The following AGBL1 variants were observed in gnomAD, a reference collection of about 807,000 sequenced individuals.
The protein encoded by AGBL1 is AGBL carboxypeptidase 1.
Under a neutral mutation model 118.9 loss-of-function variants are expected in AGBL1, and 130 were observed. The ratio of observed to expected loss-of-function variants is 1.09; its 90% CI spans 0.95 to 1.26. The LOEUF (loss-of-function observed/expected upper bound fraction) is 1.26. AGBL1 is among the 50% of genes most tolerant of loss of function. The pLI is 0.00. For synonymous variants in AGBL1, 555 were observed against 478.9 expected (o/e 1.16, Z -2.08); for missense variants, 1,584 against 1,298.1 (o/e 1.22, Z -3.38).
chr15:86,930,568 A>G (rs1159603003), intron 23 of AGBL1, among the ~76,000 whole-genome samples: 2 of 152,202 alleles, frequency 1.3e-5, no homozygotes, highest in Admixed American at 1.3e-4. Context: ...CTGGTTGTAG[A>G]TAGCTCCCTT....
intron 24 of AGBL1, among the ~76,000 whole-genome samples, chr15:86,991,234 C>T (rs1354575090): frequency 6.6e-6 from 1 of 151,828 alleles, no homozygotes; most frequent in African/African-American, 2.4e-5. Context: ...ATTTTTTGTT[C>T]ATTTGTTTGT....
chr15:86,225,473 A>T (rs944246983), intron 6 of AGBL1, among the ~76,000 whole-genome samples: 1 of 152,214 alleles, frequency 6.6e-6, no homozygotes, highest in African/African-American at 2.4e-5. Flanking sequence ...GATGATGCTG[A>T]TAACAAATTT....
At position 86,250,710 on chromosome 15, in the gene AGBL1, C is replaced by T. The variant is rs576372471; in HGVS notation, c.735+2831C>T. ...CTTAGAAACCAAATGGCTTGTTACTCTTCCCCCCGGCAGTCATAACCAGTG... is the reference window on the plus strand; with the variant it reads ...CTTAGAAACCAAATGGCTTGTTACTTTTCCCCCCGGCAGTCATAACCAGTG... On this transcript the variant is annotated intron_variant, in intron 7 of 22. Coordinates refer to ENST00000614907, the MANE Select transcript of AGBL1 (RefSeq NM_001386094.1). Among the ~76,000 whole-genome samples, 135 of 152,234 alleles carry T rather than the reference C, an allele frequency of 8.9e-4. 1 individual carries two copies. The highest frequency in any genetic ancestry group is 3.2e-3 in the African/African-American group (131 of 41,550).
chr15:86,968,989 CAT>C (rs1248670684), intron 23 of AGBL1, among the ~76,000 whole-genome samples: 1 of 151,858 alleles, frequency 6.6e-6, no homozygotes, highest in Non-Finnish European at 1.5e-5. Flanking sequence ...CTTTTAATAC[CAT>C]CACTTTAGGG....
At chr15:86,736,610 A>C (rs2077603480) in intron 22 of AGBL1, among the ~76,000 whole-genome samples, 1 of 152,186 alleles carries the variant, frequency 6.6e-6, no homozygotes, top group Non-Finnish European at 1.5e-5. Flanking sequence ...TGTCACAGCA[A>C]ATACCCTTTT....
intron 23 of AGBL1, among the ~76,000 whole-genome samples, chr15:86,945,213 A>G (rs2080803679): frequency 7.0e-6 from 1 of 142,160 alleles, no homozygotes; most frequent in Non-Finnish European, 1.5e-5. Context: ...CACGACACCC[A>G]AGTCTGGGCA....
chr15:86,972,859 G>GT (rs139312661), intron 23 of AGBL1, among the ~76,000 whole-genome samples: 3,239 of 151,748 alleles, frequency 0.021, 116 homozygotes, highest in African/African-American at 0.074. Context: ...ATTTTTCTGA[G>GT]TTTTTTTTCT....
intron 17 of AGBL1, among the ~76,000 whole-genome samples, chr15:86,350,500 A>G (rs1317110839): frequency 6.6e-6 from 1 of 152,202 alleles, no homozygotes; most frequent in African/African-American, 2.4e-5. Context: ...TGTGTAAGAC[A>G]ATGTTTCTGA....
intron 22 of AGBL1, among the ~76,000 whole-genome samples, chr15:86,750,657 A>G (rs1397623616): frequency 2.0e-5 from 3 of 151,944 alleles, no homozygotes; most frequent in Non-Finnish European, 4.4e-5. Flanking sequence ...AATTTTTTTA[A>G]ACTTCAGGGG....
At position 86,556,419 on chromosome 15, in the gene AGBL1, A is replaced by G. The variant is rs1438857407; in HGVS notation, c.2994+1882A>G. 1.0e-5 allele frequency: 7 copies of G among 689,398 alleles called. No individual in the cohort carries two copies. In the East Asian group the frequency reaches 1.6e-4, roughly 16 times the overall value. The allele number at this position is 689,398 out of a possible 1,614,324, so 42.7% of individuals were successfully genotyped here. A position where few individuals can be genotyped will look rare whatever the true frequency, so the allele number is the denominator to read the frequency against. On this transcript the variant is annotated intron_variant, in intron 21 of 22. Coordinates refer to ENST00000614907, the MANE Select transcript of AGBL1 (RefSeq NM_001386094.1). ...GACCTGGTTTTGGTTTAAGAATCCCATTCTCTATATGAAAAACACTTCTCC... is the reference window on the plus strand; with the variant it reads ...GACCTGGTTTTGGTTTAAGAATCCCGTTCTCTATATGAAAAACACTTCTCC...
At chr15:86,813,034 A>G (rs752618223) in intron 22 of AGBL1, among the ~76,000 whole-genome samples, 3 of 152,070 alleles carry the variant, frequency 2.0e-5, no homozygotes, top group Non-Finnish European at 4.4e-5. Context: ...AGAGGAAGAA[A>G]GTGGGTCAAG....
At chr15:86,267,406 C>T (rs1227518304) in intron 13 of AGBL1, among the ~76,000 whole-genome samples, 3 of 152,092 alleles carry the variant, frequency 2.0e-5, no homozygotes, top group Admixed American at 6.5e-5. Flanking sequence ...GGTGTGAGAG[C>T]ACTTTGACTG....
intron 18 of AGBL1, among the ~76,000 whole-genome samples, chr15:86,516,750 G>A (rs963294148): frequency 6.7e-6 from 1 of 150,272 alleles, no homozygotes; most frequent in Non-Finnish European, 1.5e-5. Context: ...GCAGTGAGCC[G>A]GGATGGTGCT....
intron 18 of AGBL1, among the ~76,000 whole-genome samples, chr15:86,521,701 T>A (rs897782419): frequency 4.6e-5 from 7 of 152,172 alleles, no homozygotes; most frequent in Non-Finnish European, 1.0e-4. Context: ...TATTGTGTAC[T>A]GGTTTCTTAG....
At chr15:86,927,481 A>G (rs2080556593) in intron 23 of AGBL1, among the ~76,000 whole-genome samples, 1 of 151,168 alleles carries the variant, frequency 6.6e-6, no homozygotes. Flanking sequence ...TAGCTACTTG[A>G]GAGGCTGAGG....
chr15:86,855,752 A>G (rs1203477020), intron 22 of AGBL1, among the ~76,000 whole-genome samples: 4 of 152,234 alleles, frequency 2.6e-5, no homozygotes, highest in Admixed American at 6.5e-5. Flanking sequence ...CTGTGCTCGC[A>G]GTCTGTGTTT....
intron 23 of AGBL1, among the ~76,000 whole-genome samples, chr15:86,932,409 C>A (rs745415978): frequency 6.6e-6 from 1 of 152,182 alleles, no homozygotes; most frequent in African/African-American, 2.4e-5. Context: ...CTTTCAGGTT[C>A]TAAAATGGAC....
chr15:86,369,676 A>G (rs936388572), intron 17 of AGBL1, among the ~76,000 whole-genome samples: 30 of 152,158 alleles, frequency 2.0e-4, no homozygotes, highest in African/African-American at 6.3e-4. Context: ...CAAGAGACAT[A>G]CTTAAGATGA....
chr15:86,645,822 T>G (rs2085268547), intron 21 of AGBL1, among the ~76,000 whole-genome samples: 1 of 152,202 alleles, frequency 6.6e-6, no homozygotes, highest in Non-Finnish European at 1.5e-5. Context: ...TTATTTTTAC[T>G]GCACCACCAA....
Sources: gnomAD v4.1 joint callset for allele counts (sites outside exome capture counted in the v4.1 genomes callset) on GRCh38, gnomAD v4.1.1 for gene constraint, MANE v1.5 for transcripts, NCBI Gene and HGNC (gene_info 2026-07-23, HGNC 2026-07-21) for gene names.